TMEM171: variants seen among roughly 807,000 people sequenced by gnomAD.
The protein encoded by TMEM171 is transmembrane protein 171.
A neutral mutation model predicts 19.1 loss-of-function variants in TMEM171; 16 were observed. That is an observed-to-expected ratio of 0.84 (90% CI 0.57 to 1.27). The LOEUF (loss-of-function observed/expected upper bound fraction) is 1.27, where lower values mean the gene tolerates loss of function less well. Ranked by LOEUF, TMEM171 falls within the 50% of genes most tolerant of loss-of-function variation. TMEM171 has a pLI of 0.00. For synonymous variants in TMEM171, 153 were observed against 163.4 expected (o/e 0.94, Z 0.48); for missense variants, 429 against 412.7 (o/e 1.04, Z -0.34).
At chr5:73,123,235 A>C in intron 1 of TMEM171, 71 bp from the exon 2 acceptor site, 2 of 1,368,848 alleles carry the variant, frequency 1.5e-6, no homozygotes, top group South Asian at 3.0e-5. Context: ...TTCAGAAATG[A>C]TCAGCAAAAA....
rs781382360 is a variant in TMEM171, at chr5:73,123,574, C to T, written c.201C>T (p.Ala67=). ...TCAAGGTGGCGGGGCCTGCATGTGC[C>T]GTGGTTGGGCTTGGGGCTGTGATCC... is the stretch of plus-strand genomic sequence containing the variant. ...MVLKVAGPAC[A]VVGLGAVILA... is the part of the protein sequence containing the mutation. The change falls in exon 2 of 4, where the codon GCC becomes GCT. Residue 67 remains alanine, a synonymous_variant. Transcript: ENST00000454765. The T allele has an allele frequency of 9.9e-6, 16 of 1,614,098 alleles. No individual in the cohort carries two copies. The highest frequency in any genetic ancestry group is 5.3e-5 in the African/African-American group (4 of 74,946).
chr5:73,127,384 A>AAAAAAAAAAATATATATATATATATATAT, intron 2 of TMEM171, among the ~76,000 whole-genome samples: 7 of 81,668 alleles, frequency 8.6e-5, no homozygotes, highest in South Asian at 4.4e-4. Context: ...AAAAAAAAAA[A>AAAAAAAAAAATATATATATATATATATAT]ATATATATAT....
intron 1 of TMEM171, among the ~76,000 whole-genome samples, chr5:73,121,992 G>A (rs749445264): frequency 1.3e-4 from 20 of 152,286 alleles, no homozygotes; most frequent in Admixed American, 2.6e-4. Flanking sequence ...ATAAGATAAC[G>A]AGATAATTAG....
At chr5:73,127,384 A>AAAAAAAAAAATATATATATATATAT in intron 2 of TMEM171, among the ~76,000 whole-genome samples, 3 of 81,696 alleles carry the variant, frequency 3.7e-5, no homozygotes, top group Non-Finnish European at 6.6e-5. Context: ...AAAAAAAAAA[A>AAAAAAAAAAATATATATATATATAT]ATATATATAT....
At chr5:73,127,384 A>AATATATAT (rs59879336) in intron 2 of TMEM171, among the ~76,000 whole-genome samples, 27 of 81,678 alleles carry the variant, frequency 3.3e-4, no homozygotes, top group African/African-American at 1.4e-3. Flanking sequence ...AAAAAAAAAA[A>AATATATAT]ATATATATAT....
intron 2 of TMEM171, among the ~76,000 whole-genome samples, chr5:73,125,147 G>C (rs1015449312): frequency 6.6e-6 from 1 of 152,214 alleles, no homozygotes; most frequent in African/African-American, 2.4e-5. Context: ...TCCTTGTGTA[G>C]AGCCAGGGTA....
At chr5:73,122,270 C>T (rs891944639) in intron 1 of TMEM171, among the ~76,000 whole-genome samples, 1 of 152,162 alleles carries the variant, frequency 6.6e-6, no homozygotes, top group Non-Finnish European at 1.5e-5. Flanking sequence ...TGAGAGGCCA[C>T]ACCAGCCTTT....
chr5:73,123,367 C>T lies in TMEM171; in HGVS notation c.-7C>T, dbSNP rs1744055286. The stretch of plus-strand genomic sequence containing the variant: ...ACCCTGCCTCCGGGAAGGGGCCTCT[C>T]CTGGACATGTCTCCTGCAGCTGCTG... On this transcript the variant is annotated 5_prime_UTR_variant, in exon 2 of 4. Coordinates refer to ENST00000454765, the MANE Select transcript of TMEM171 (RefSeq NM_173490.8). 1.2e-5 allele frequency: 19 copies of T among 1,608,692 alleles called. No homozygotes were observed. Among genetic ancestry groups the T allele is most frequent in the Non-Finnish European group, 1.6e-5 (19 of 1,176,188 alleles).
In TMEM171 at chr5:73,123,575, G is replaced by C. The variant is rs149174030; in HGVS notation, c.202G>C (p.Val68Leu). 1.2e-6 allele frequency: 2 copies of C among 1,614,236 alleles called. No homozygotes were observed. Among genetic ancestry groups the C allele is most frequent in the African/African-American group, 1.3e-5 (1 of 75,064 alleles). The stretch of plus-strand genomic sequence containing the variant: ...CAAGGTGGCGGGGCCTGCATGTGCC[G>C]TGGTTGGGCTTGGGGCTGTGATCCT... ...VLKVAGPACA[V>L]VGLGAVILAR... Residue 68 changes from valine (V) to leucine (L), a missense_variant, in exon 2 of 4, where the codon GTG becomes CTG. Transcript: ENST00000454765.
Position 73,120,675 on chromosome 5 carries a change from C to T in TMEM171, c.-90C>T. 1.0e-6 allele frequency: 1 copy of T among 984,376 alleles called. No homozygotes were observed. The highest frequency in any genetic ancestry group is 1.1e-4 in the East Asian group (1 of 8,770). 61.0% of individuals were successfully genotyped at this position (984,376 alleles called of 1,614,324 possible). A position where few individuals can be genotyped will look rare whatever the true frequency, so the allele number is the denominator to read the frequency against. ...CAGTGCCCACAGCAGCGCGGTCAGC[C>T]AGGCGCCGGACCCAGCTTCAGGTAA... On this transcript the variant is annotated 5_prime_UTR_variant, in exon 1 of 4. Transcript: ENST00000454765.
intron 2 of TMEM171, among the ~76,000 whole-genome samples, chr5:73,125,005 T>C (rs1744124327): frequency 6.6e-6 from 1 of 152,166 alleles, no homozygotes; most frequent in Admixed American, 6.5e-5. Flanking sequence ...ACAAGTGAGA[T>C]GCATCTCCTG....
intron 2 of TMEM171, among the ~76,000 whole-genome samples, chr5:73,127,384 A>T (rs640111): frequency 0.22 from 18,035 of 81,424 alleles, 2,257 homozygotes; most frequent in African/African-American, 0.25. Context: ...AAAAAAAAAA[A>T]ATATATATAT....
intron 3 of TMEM171, among the ~76,000 whole-genome samples, chr5:73,128,777 A>C (rs542627142): frequency 1.4e-3 from 216 of 152,240 alleles, no homozygotes; most frequent in African/African-American, 4.9e-3. Flanking sequence ...ATGTGCTCCT[A>C]ACAGGGGTGA....
chr5:73,122,104 T>C (rs1411865310), intron 1 of TMEM171, among the ~76,000 whole-genome samples: 3 of 152,222 alleles, frequency 2.0e-5, no homozygotes, highest in African/African-American at 7.2e-5. Flanking sequence ...TGGAAGGTGC[T>C]TTCTCACTTG....
intron 1 of TMEM171, among the ~76,000 whole-genome samples, chr5:73,121,994 G>A (rs1183966050): frequency 6.6e-6 from 1 of 152,210 alleles, no homozygotes; most frequent in East Asian, 1.9e-4. Context: ...AAGATAACGA[G>A]ATAATTAGGT....
At chr5:73,125,603 G>A (rs1310661748) in intron 2 of TMEM171, among the ~76,000 whole-genome samples, 2 of 152,206 alleles carry the variant, frequency 1.3e-5, no homozygotes, top group Non-Finnish European at 2.9e-5. Context: ...TAATTTGATA[G>A]ATGTTCTTAG....
chr5:73,128,594 G>GT, intron 3 of TMEM171, 63 bp downstream of exon 3: 1 of 1,571,120 alleles, frequency 6.4e-7, no homozygotes, highest in South Asian at 1.2e-5. Flanking sequence ...TATTAAGGCT[G>GT]TGTGGTTCAC....
chr5:73,129,799 G>A (rs377715136), intron 3 of TMEM171, among the ~76,000 whole-genome samples: 19 of 152,220 alleles, frequency 1.2e-4, no homozygotes, highest in African/African-American at 3.4e-4. Flanking sequence ...TCTGATGGCC[G>A]TGCTTGGGTG....
intron 3 of TMEM171, among the ~76,000 whole-genome samples, chr5:73,129,935 G>T (rs994913377): frequency 2.0e-5 from 3 of 152,238 alleles, no homozygotes; most frequent in East Asian, 3.8e-4. Flanking sequence ...AGCGAGGCAG[G>T]CTCTAGTGGG....
Sources: gnomAD v4.1 joint callset for allele counts (sites outside exome capture counted in the v4.1 genomes callset) on GRCh38, gnomAD v4.1.1 for gene constraint, MANE v1.5 for transcripts, NCBI Gene and HGNC (gene_info 2026-07-23, HGNC 2026-07-21) for gene names.